DCBLD2: variants seen among roughly 807,000 people sequenced by gnomAD.
DCBLD2 encodes the protein discoidin, CUB and LCCL domain-containing protein 2.
In DCBLD2, 54 loss-of-function variants were observed where a neutral mutation model predicts 86.8. The ratio of observed to expected loss-of-function variants is 0.62; its 90% CI spans 0.50 to 0.78. The LOEUF is 0.78. Ranked by LOEUF, DCBLD2 falls within the 30% of genes least tolerant of loss-of-function variation. The probability of loss-of-function intolerance (pLI) is 0.00; values close to 1 mark genes in which losing one functional copy is unlikely to be tolerated. For synonymous variants in DCBLD2, 354 were observed against 341.3 expected, an observed-to-expected ratio of 1.04 and a Z score of -0.41; for missense variants, 908 against 954.2, an observed-to-expected ratio of 0.95 and a Z score of 0.64.
chr3:98,846,472 C>T (rs907816503), intron 3 of DCBLD2, among the ~76,000 whole-genome samples: 1 of 152,032 alleles, frequency 6.6e-6, no homozygotes, highest in Non-Finnish European at 1.5e-5. Context: ...AAAAGCCACC[C>T]AAGAAGAAGT....
At position 98,797,518 on chromosome 3, in the gene DCBLD2, A is replaced by T. The variant is rs558804911; in HGVS notation, c.*1854T>A. ...TTCCCACCTGAAAAGGGATGACTGC[A>T]TTAATATATGTGCTTTCCACATCCA... is the stretch of plus-strand genomic sequence containing the variant. On this transcript the variant is annotated 3_prime_UTR_variant, in exon 16 of 16. Coordinates refer to ENST00000326840, the MANE Select transcript of DCBLD2 (RefSeq NM_080927.4). 1 of 152,712 alleles carries T rather than the reference A, an allele frequency of 6.5e-6. No individual in the cohort carries two copies. The highest frequency in any genetic ancestry group is 2.4e-5 in the African/African-American group (1 of 41,592). 9.5% of individuals were successfully genotyped at this position (152,712 alleles called of 1,614,324 possible).
rs1381898440 is a variant in DCBLD2, at chr3:98,820,263, TAA to T, written c.854_855del (p.Phe285TyrfsTer3). 1 of 1,472,424 alleles carries T rather than the reference TAA, an allele frequency of 6.8e-7. No individual in the cohort carries two copies. The highest frequency in any genetic ancestry group is 1.4e-5 in the African/African-American group (1 of 69,440). 91.2% of individuals were successfully genotyped at this position (1,472,424 alleles called of 1,614,324 possible). A position where few individuals can be genotyped will look rare whatever the true frequency, so the allele number is the denominator to read the frequency against. ...SVVGHLSTSL[F>X]TFKTSGCYGT... ...AAAGGCTTACCACTTGTCTTAAATG[TAA>T]AAAGACTTGTAGATAAGTGTCCCCT... On this transcript the variant is annotated frameshift_variant, in exon 7 of 16. Coordinates refer to ENST00000326840, the MANE Select transcript of DCBLD2 (RefSeq NM_080927.4). LOFTEE classifies it high-confidence loss of function.
intron 1 of DCBLD2, among the ~76,000 whole-genome samples, chr3:98,886,081 C>T (rs1474829548): frequency 6.6e-6 from 1 of 151,620 alleles, no homozygotes; most frequent in Non-Finnish European, 1.5e-5. Flanking sequence ...TCCATTTGGC[C>T]CAAAGGGTAA....
chr3:98,823,415 T>A (rs959770631), intron 4 of DCBLD2, among the ~76,000 whole-genome samples: 1 of 152,204 alleles, frequency 6.6e-6, no homozygotes, highest in Non-Finnish European at 1.5e-5. Flanking sequence ...TTGATCCAAT[T>A]TAAGCTGTAT....
At chr3:98,875,902 C>T (rs1018817586) in intron 2 of DCBLD2, among the ~76,000 whole-genome samples, 31 of 151,830 alleles carry the variant, frequency 2.0e-4, no homozygotes, top group African/African-American at 5.6e-4. Flanking sequence ...AAAAAAACCC[C>T]GATGTACCAG....
At chr3:98,881,277 A>C (rs1443934815) in intron 2 of DCBLD2, among the ~76,000 whole-genome samples, 1 of 151,804 alleles carries the variant, frequency 6.6e-6, no homozygotes, top group Non-Finnish European at 1.5e-5. Flanking sequence ...AAAAAAAAAA[A>C]AACAGAGAAT....
At chr3:98,886,796 G>GAA (rs368452262) in intron 1 of DCBLD2, among the ~76,000 whole-genome samples, 3,029 of 113,102 alleles carry the variant, frequency 0.027, 71 homozygotes, top group African/African-American at 0.054. Context: ...ATTATTACAG[G>GAA]AAAACCCCCC....
intron 2 of DCBLD2, among the ~76,000 whole-genome samples, chr3:98,870,802 A>G (rs78328863): frequency 2.9e-4 from 39 of 135,864 alleles, no homozygotes; most frequent in African/African-American, 1.0e-3. Context: ...AGAAAGAAAG[A>G]AAGAAAGAAA....
Position 98,797,601 on chromosome 3 carries a change from A to G in DCBLD2, c.*1771T>C, listed in dbSNP as rs1453200019. ...CTTTTGTTTCAAACATTTTGAAACA[A>G]AATATGTATTGATTCTTCAATGAAT... On this transcript the variant is annotated 3_prime_UTR_variant, in exon 16 of 16. Transcript: ENST00000326840. 1.3e-5 allele frequency: 2 copies of G among 152,322 alleles called. No individual in the cohort carries two copies. The highest frequency in any genetic ancestry group is 4.8e-5 in the African/African-American group (2 of 41,460). 9.4% of individuals were successfully genotyped at this position (152,322 alleles called of 1,614,324 possible). A position where few individuals can be genotyped will look rare whatever the true frequency, so the allele number is the denominator to read the frequency against.
intron 2 of DCBLD2, among the ~76,000 whole-genome samples, chr3:98,864,910 C>A (rs1316790366): frequency 6.6e-6 from 1 of 151,942 alleles, no homozygotes; most frequent in Non-Finnish European, 1.5e-5. Flanking sequence ...AATAAAACCA[C>A]AATGAGATAT....
chr3:98,811,193 C>T lies in DCBLD2; in HGVS notation c.1576+1G>A, dbSNP rs762100457. The T allele has an allele frequency of 6.2e-7, 1 of 1,600,506 alleles. No individual in the cohort carries two copies. The highest frequency in any genetic ancestry group is 2.2e-5 in the East Asian group (1 of 44,788). On this transcript the variant is annotated splice_donor_variant, in intron 12 of 15. Coordinates refer to ENST00000326840, the MANE Select transcript of DCBLD2 (RefSeq NM_080927.4). LOFTEE classifies it high-confidence loss of function. ...AGGCGTTCATTTCCATGTTTGCATA[C>T]CTTTGGTTACATTTGGAGTTACGGT...
At chr3:98,834,009 C>T (rs1942372867) in intron 3 of DCBLD2, among the ~76,000 whole-genome samples, 1 of 152,210 alleles carries the variant, frequency 6.6e-6, no homozygotes, top group African/African-American at 2.4e-5. Flanking sequence ...GGGGCCTGCT[C>T]TGGTCCCCAG....
intron 3 of DCBLD2, among the ~76,000 whole-genome samples, chr3:98,841,686 A>G (rs774016013): frequency 1.3e-5 from 2 of 152,230 alleles, no homozygotes; most frequent in Non-Finnish European, 2.9e-5. Flanking sequence ...GCCATCACTT[A>G]CCACAATAAG....
chr3:98,814,316 T>G (rs145962463), intron 9 of DCBLD2: 14 of 152,344 alleles, frequency 9.2e-5, no homozygotes, highest in Non-Finnish European at 1.8e-4. Context: ...ACTATATTAG[T>G]GGAACAGGGA....
intron 2 of DCBLD2, among the ~76,000 whole-genome samples, chr3:98,859,612 C>T (rs1162575755): frequency 6.6e-6 from 1 of 152,232 alleles, no homozygotes; most frequent in South Asian, 2.1e-4. Flanking sequence ...CCCAGGCAAA[C>T]AGGGTCTGGA....
intron 3 of DCBLD2, among the ~76,000 whole-genome samples, chr3:98,846,992 GA>G: frequency 6.6e-6 from 1 of 152,208 alleles, no homozygotes; most frequent in East Asian, 1.9e-4. Context: ...GAAACTTAAT[GA>G]AAATAAGAAG....
chr3:98,839,105 C>CT (rs1553726959), intron 3 of DCBLD2, among the ~76,000 whole-genome samples: 1 of 106,916 alleles, frequency 9.4e-6, no homozygotes, highest in South Asian at 3.6e-4. Context: ...GTGCTCCCTT[C>CT]TTTCTTTCTT....
intron 3 of DCBLD2, among the ~76,000 whole-genome samples, chr3:98,830,670 T>C (rs186538506): frequency 6.6e-6 from 1 of 152,244 alleles, no homozygotes; most frequent in African/African-American, 2.4e-5. Context: ...TCAGGTAATA[T>C]GACTCCTGCA....
intron 2 of DCBLD2, among the ~76,000 whole-genome samples, chr3:98,866,205 A>C (rs1487547486): frequency 2.6e-5 from 4 of 152,162 alleles, no homozygotes; most frequent in Admixed American, 1.3e-4. Context: ...CATGATTTAT[A>C]ATCCTTTGGG....
Sources: allele counts gnomAD v4.1 joint callset (sites outside exome capture counted in the v4.1 genomes callset), GRCh38; gene constraint gnomAD v4.1.1; transcripts MANE v1.5; gene names NCBI Gene and HGNC (gene_info 2026-07-23, HGNC 2026-07-21).